The following TACR1 variants were observed in gnomAD, a reference collection of about 807,000 sequenced individuals.
TACR1 encodes substance-P receptor.
In TACR1, 25 loss-of-function variants were observed where a neutral mutation model predicts 35.8. That is an observed-to-expected ratio of 0.70 (90% CI 0.51 to 0.98). TACR1 has a LOEUF of 0.98. TACR1 is among the 50% of genes least tolerant of loss of function. The probability of loss-of-function intolerance (pLI) is 0.00; values close to 1 mark genes in which losing one functional copy is unlikely to be tolerated. For missense variants in TACR1, 478 were observed against 522.9 expected (o/e 0.91, Z 0.84); for synonymous variants, 195 against 206.7 (o/e 0.94, Z 0.48).
intron 1 of TACR1, among the ~76,000 whole-genome samples, chr2:75,185,836 A>G (rs1157692665): frequency 6.6e-6 from 1 of 152,174 alleles, no homozygotes; most frequent in Admixed American, 6.5e-5. Context: ...AATTTATCCT[A>G]ATAATCATCC....
intron 2 of TACR1, among the ~76,000 whole-genome samples, chr2:75,083,000 C>T (rs1468018059): frequency 1.3e-5 from 2 of 152,102 alleles, no homozygotes; most frequent in African/African-American, 2.4e-5. Context: ...AGTCCTTGCC[C>T]ATGCCTATGT....
chr2:75,060,340 G>C (rs748597931), intron 2 of TACR1, among the ~76,000 whole-genome samples: 7 of 152,184 alleles, frequency 4.6e-5, no homozygotes, highest in Non-Finnish European at 7.3e-5. Context: ...ATGTGCGTTA[G>C]TGCATAATGC....
At chr2:75,079,102 T>A (rs963041364) in intron 2 of TACR1, among the ~76,000 whole-genome samples, 3 of 152,188 alleles carry the variant, frequency 2.0e-5, no homozygotes, top group Non-Finnish European at 1.5e-5. Context: ...TAATTATTCC[T>A]GAAGTTGCCT....
intron 2 of TACR1, among the ~76,000 whole-genome samples, chr2:75,086,120 T>C (rs1221082025): frequency 6.6e-6 from 1 of 152,190 alleles, no homozygotes. Flanking sequence ...TTGTTTGGGT[T>C]GAGGAGAGAG....
At chr2:75,086,839 C>G (rs1673197791) in intron 2 of TACR1, among the ~76,000 whole-genome samples, 1 of 152,170 alleles carries the variant, frequency 6.6e-6, no homozygotes, top group South Asian at 2.1e-4. Flanking sequence ...TTCAGGTACT[C>G]TTAGGTCATA....
In TACR1 at chr2:75,199,082, G is replaced by T; in HGVS notation, c.-148C>A. ...CTGGGCAGCACTCTTTTTGAAAGCT[G>T]AACTGGCGCTCAGAATATAAACGCT... is the stretch of plus-strand genomic sequence containing the variant. On this transcript the variant is annotated 5_prime_UTR_variant, in exon 1 of 5. Transcript: ENST00000305249. 1 of 977,954 alleles carries T rather than the reference G, an allele frequency of 1.0e-6. No individual in the cohort carries two copies. The highest frequency in any genetic ancestry group is 1.5e-6 in the Non-Finnish European group (1 of 673,576). 60.6% of individuals were successfully genotyped at this position (977,954 alleles called of 1,614,324 possible).
chr2:75,136,746 A>T (rs909080655), intron 1 of TACR1, among the ~76,000 whole-genome samples: 4 of 152,208 alleles, frequency 2.6e-5, no homozygotes, highest in African/African-American at 9.6e-5. Flanking sequence ...AAAGTTAAGA[A>T]ATTGTAATTG....
intron 2 of TACR1, among the ~76,000 whole-genome samples, chr2:75,054,744 C>CTAA (rs950970440): frequency 9.9e-5 from 15 of 151,546 alleles, no homozygotes; most frequent in East Asian, 7.7e-4. Context: ...CTCAGAATTC[C>CTAA]TAATAATAAT....
At position 75,049,219 on chromosome 2, in the gene TACR1, T is replaced by C; in HGVS notation, c.*213A>G. On this transcript the variant is annotated 3_prime_UTR_variant, in exon 5 of 5. Coordinates refer to ENST00000305249, the MANE Select transcript of TACR1 (RefSeq NM_001058.4). ...ACAGGCTCAGCAAAGTTCAGTGATT[T>C]GGTTTGAGTCACACAGCATGAGGGT... 2 of 560,890 alleles carry C rather than the reference T, an allele frequency of 3.6e-6. No individual in the cohort carries two copies. The highest frequency in any genetic ancestry group is 6.2e-6 in the Non-Finnish European group (2 of 323,266). 34.7% of individuals were successfully genotyped at this position (560,890 alleles called of 1,614,324 possible).
At chr2:75,192,510 TG>T (rs1465424806) in intron 1 of TACR1, among the ~76,000 whole-genome samples, 1 of 152,188 alleles carries the variant, frequency 6.6e-6, no homozygotes, top group Non-Finnish European at 1.5e-5. Flanking sequence ...TTTGGAAAGT[TG>T]AGGGGTTGAA....
intron 2 of TACR1, among the ~76,000 whole-genome samples, chr2:75,075,277 G>A (rs1672957055): frequency 6.6e-6 from 1 of 152,204 alleles, no homozygotes; most frequent in South Asian, 2.1e-4. Flanking sequence ...ACCAGGTGTT[G>A]GTATGGACAT....
intron 1 of TACR1, among the ~76,000 whole-genome samples, chr2:75,148,873 T>A (rs1674605009): frequency 1.3e-5 from 2 of 152,208 alleles, no homozygotes; most frequent in South Asian, 4.1e-4. Context: ...TTTAAGTCTT[T>A]AATCCATCTT....
intron 3 of TACR1, 130 bp from the exon 4 acceptor site, chr2:75,051,577 C>G (rs1672472310): frequency 6.7e-7 from 1 of 1,487,146 alleles, no homozygotes; most frequent in Admixed American, 2.1e-5. Flanking sequence ...GACGCCCCTT[C>G]AAGGAGGAGA....
chr2:75,112,123 T>C (rs2103890251), intron 2 of TACR1, among the ~76,000 whole-genome samples: 1 of 152,140 alleles, frequency 6.6e-6, no homozygotes, highest in Non-Finnish European at 1.5e-5. Context: ...TCCTTACAAA[T>C]TTGACATGCT....
At chr2:75,143,962 A>G (rs1417867324) in intron 1 of TACR1, among the ~76,000 whole-genome samples, 1 of 152,208 alleles carries the variant, frequency 6.6e-6, no homozygotes, top group Non-Finnish European at 1.5e-5. Flanking sequence ...TAGAGGGAAT[A>G]TTCTAATGCT....
chr2:75,053,352 G>A (rs530993973), intron 3 of TACR1, among the ~76,000 whole-genome samples: 20 of 151,500 alleles, frequency 1.3e-4, no homozygotes, highest in African/African-American at 3.4e-4. Context: ...TTAAGTGTGC[G>A]TGTGTGTGTG....
chr2:75,086,506 C>A lies in TACR1; in HGVS notation c.585-32751G>T, dbSNP rs142103447. Among the ~76,000 whole-genome samples the A allele has an allele frequency of 6.1e-3, 924 of 152,222 alleles. 6 individuals are homozygous for A. The highest frequency in any genetic ancestry group is 0.01 in the Middle Eastern group (3 of 294). On this transcript the variant is annotated intron_variant, in intron 2 of 4. Coordinates refer to ENST00000305249, the MANE Select transcript of TACR1 (RefSeq NM_001058.4). Reference sequence around the variant, plus strand: ...AAATATTTACTGACTGACTGACTGACTGAATGAATGAACCAGGTTGGGGAG... The same window carrying A: ...AAATATTTACTGACTGACTGACTGAATGAATGAATGAACCAGGTTGGGGAG...
intron 1 of TACR1, chr2:75,154,488 C>CCACACACACACACACACATACACACA (rs1553380979): frequency 9.3e-5 from 5 of 53,542 alleles, no homozygotes; most frequent in African/African-American, 3.0e-4. Context: ...CACTAACCCA[C>CCACACACACACACACACATACACACA]CACACACACA....
chr2:75,095,965 A>G (rs1673414408), intron 2 of TACR1, among the ~76,000 whole-genome samples: 1 of 152,178 alleles, frequency 6.6e-6, no homozygotes, highest in Admixed American at 6.5e-5. Context: ...TTTTGTTGTG[A>G]CAAGGATCTG....
Sources: gnomAD v4.1 joint callset for allele counts (sites outside exome capture counted in the v4.1 genomes callset) on GRCh38, gnomAD v4.1.1 for gene constraint, MANE v1.5 for transcripts, NCBI Gene and HGNC (gene_info 2026-07-23, HGNC 2026-07-21) for gene names.